The following ERC2 variants were observed in gnomAD, a reference collection of about 807,000 sequenced individuals.
ERC2 encodes ERC protein 2.
Under a neutral mutation model 114.8 loss-of-function variants are expected in ERC2, and 42 were observed. The ratio of observed to expected loss-of-function variants is 0.37; its 90% CI spans 0.29 to 0.47. The LOEUF is 0.47. Among genes scored for constraint, ERC2 ranks in the 20% least tolerant of loss-of-function variants. ERC2 has a pLI of 0.99. For missense variants in ERC2, 939 were observed against 1,150.7 expected (o/e 0.82, Z 2.66); for synonymous variants, 454 against 425.5 (o/e 1.07, Z -0.82).
intron 16 of ERC2, among the ~76,000 whole-genome samples, chr3:55,697,689 G>C (rs2063004205): frequency 6.6e-6 from 1 of 152,070 alleles, no homozygotes; most frequent in African/African-American, 2.4e-5. Flanking sequence ...GCAGGTCCCT[G>C]GATGACCTAC....
At chr3:55,633,247 G>A (rs759591393) in intron 17 of ERC2, among the ~76,000 whole-genome samples, 15 of 152,206 alleles carry the variant, frequency 9.9e-5, no homozygotes, top group Non-Finnish European at 1.2e-4. Flanking sequence ...CCCAGCAACT[G>A]AAAGAGTACC....
At chr3:55,908,017 TC>T (rs1247982999) in intron 13 of ERC2, among the ~76,000 whole-genome samples, 1 of 152,078 alleles carries the variant, frequency 6.6e-6, no homozygotes, top group Non-Finnish European at 1.5e-5. Flanking sequence ...AGAGGAGGCT[TC>T]CCAGAAGTGA....
At chr3:56,413,078 C>G (rs2061004708) in intron 2 of ERC2, among the ~76,000 whole-genome samples, 1 of 152,180 alleles carries the variant, frequency 6.6e-6, no homozygotes, top group African/African-American at 2.4e-5. Context: ...ATATGACTAG[C>G]CAGAGACCAG....
At chr3:56,270,896 G>A (rs888131195) in intron 3 of ERC2, among the ~76,000 whole-genome samples, 9 of 152,092 alleles carry the variant, frequency 5.9e-5, no homozygotes, top group Admixed American at 3.9e-4. Context: ...GCAGAAGAAT[G>A]GCATGAACCC....
intron 7 of ERC2, among the ~76,000 whole-genome samples, chr3:56,073,052 C>G (rs921470409): frequency 2.6e-5 from 4 of 152,034 alleles, no homozygotes; most frequent in Non-Finnish European, 5.9e-5. Context: ...AGTCCAAACA[C>G]CATACACACT....
intron 14 of ERC2, among the ~76,000 whole-genome samples, chr3:55,747,326 C>G (rs1051673292): frequency 6.6e-5 from 10 of 151,838 alleles, no homozygotes; most frequent in African/African-American, 2.2e-4. Context: ...TTAAAGAGGT[C>G]ATTTAATGGA....
intron 2 of ERC2, among the ~76,000 whole-genome samples, chr3:56,339,175 C>G (rs1322385767): frequency 6.6e-6 from 1 of 152,122 alleles, no homozygotes; most frequent in Middle Eastern, 3.2e-3. Flanking sequence ...CTTAAGGGAG[C>G]CGCAATTGAA....
chr3:56,244,002 C>A (rs181814426), intron 3 of ERC2, among the ~76,000 whole-genome samples: 1 of 152,168 alleles, frequency 6.6e-6, no homozygotes, highest in African/African-American at 2.4e-5. Context: ...TGGGATGCCT[C>A]GCCAAAGAGG....
At chr3:55,749,110 A>G (rs2066497321) in intron 14 of ERC2, among the ~76,000 whole-genome samples, 2 of 152,160 alleles carry the variant, frequency 1.3e-5, no homozygotes, top group South Asian at 4.1e-4. Flanking sequence ...TTTTGCACAA[A>G]TTGGAGGTGG....
At chr3:56,249,858 T>TC (rs894819218) in intron 3 of ERC2, among the ~76,000 whole-genome samples, 4 of 143,570 alleles carry the variant, frequency 2.8e-5, no homozygotes, top group African/African-American at 1.0e-4. Context: ...CAAATTTCTT[T>TC]TTTTTTTTTT....
At chr3:56,023,806 G>GGAAGGAAGGAAGGAAGGAAGGAAGGAAA in intron 7 of ERC2, among the ~76,000 whole-genome samples, 1 of 151,934 alleles carries the variant, frequency 6.6e-6, no homozygotes, top group East Asian at 2.0e-4. Context: ...AAGGAAGGAA[G>GGAAGGAAGGAAGGAAGGAAGGAAGGAAA]GAAGGAATTC....
intron 2 of ERC2, among the ~76,000 whole-genome samples, chr3:56,387,905 T>C (rs1209476544): frequency 3.3e-5 from 5 of 152,162 alleles, no homozygotes; most frequent in Non-Finnish European, 7.4e-5. Context: ...TGTGGTGTGT[T>C]AGGGAAAGTT....
chr3:55,636,320 A>G (rs764811506), intron 17 of ERC2, among the ~76,000 whole-genome samples: 2 of 152,238 alleles, frequency 1.3e-5, no homozygotes, highest in African/African-American at 4.8e-5. Flanking sequence ...TCTGGAGACT[A>G]ACAAGCCTGG....
chr3:56,422,184 C>T (rs964840433), intron 2 of ERC2, among the ~76,000 whole-genome samples: 23 of 152,128 alleles, frequency 1.5e-4, no homozygotes, highest in African/African-American at 5.6e-4. Flanking sequence ...AAGATAGAGG[C>T]AAGGACAGGA....
chr3:55,983,037 G>A (rs2070286684), intron 12 of ERC2, among the ~76,000 whole-genome samples: 1 of 152,186 alleles, frequency 6.6e-6, no homozygotes, highest in Admixed American at 6.5e-5. Flanking sequence ...ATCACCAACA[G>A]CCCCTTCATC....
intron 14 of ERC2, among the ~76,000 whole-genome samples, chr3:55,879,940 TTGTTCATAGAGTCCTTTC>T (rs1339520915): frequency 6.6e-6 from 1 of 152,246 alleles, no homozygotes; most frequent in African/African-American, 2.4e-5. Context: ...AGGAGGATTT[TTGTTCATAGAGTCCTTTC>T]TGTTCACTAA....
chr3:56,043,864 G>C lies in ERC2; in HGVS notation c.1642-24833C>G, dbSNP rs527615846. 2.6e-5 allele frequency among the ~76,000 whole-genome samples: 4 copies of C among 152,032 alleles called. No homozygotes were observed. The East Asian group carries it at 7.7e-4, about 29-fold the overall frequency. On this transcript the variant is annotated intron_variant, in intron 7 of 17. Coordinates refer to ENST00000288221, the MANE Select transcript of ERC2 (RefSeq NM_015576.3). Reference sequence around the variant, plus strand: ...GACTATTTAAATAATGTATATTTTAGTAATTAAGATTTGTCAGTAAGATCA... The same window carrying C: ...GACTATTTAAATAATGTATATTTTACTAATTAAGATTTGTCAGTAAGATCA...
intron 4 of ERC2, among the ~76,000 whole-genome samples, chr3:56,168,543 A>G (rs2082443694): frequency 6.6e-6 from 1 of 152,192 alleles, no homozygotes; most frequent in African/African-American, 2.4e-5. Context: ...TCCAGGACTC[A>G]GACAAGTTCA....
intron 2 of ERC2, among the ~76,000 whole-genome samples, chr3:56,417,945 C>T (rs1428438774): frequency 6.6e-6 from 1 of 152,134 alleles, no homozygotes; most frequent in Admixed American, 6.5e-5. Context: ...TCAAGATTAG[C>T]ACCAAGTTGA....
Sources: gnomAD v4.1 joint callset for allele counts (sites outside exome capture counted in the v4.1 genomes callset) on GRCh38, gnomAD v4.1.1 for gene constraint, MANE v1.5 for transcripts, NCBI Gene and HGNC (gene_info 2026-07-23, HGNC 2026-07-21) for gene names.